Variants in GARRE1 observed in about 807,000 individuals in gnomAD.
GARRE1 encodes granule associated Rac and RHOG effector protein 1.
A neutral mutation model predicts 103.2 loss-of-function variants in GARRE1; 49 were observed. The ratio of observed to expected loss-of-function variants is 0.47; its 90% CI spans 0.38 to 0.60. The LOEUF (loss-of-function observed/expected upper bound fraction) is 0.60. GARRE1 is among the 20% of genes least tolerant of loss of function. GARRE1 has a pLI of 0.00. For synonymous variants in GARRE1, 505 were observed against 532.8 expected (o/e 0.95, Z 0.72); for missense variants, 1,199 against 1,370.5 (o/e 0.87, Z 1.98).
intron 3 of GARRE1, among the ~76,000 whole-genome samples, chr19:34,321,679 T>C (rs960143282): frequency 6.6e-6 from 1 of 152,206 alleles, no homozygotes; most frequent in Non-Finnish European, 1.5e-5. Context: ...GGTTTCACCG[T>C]CTTGGCCAGG....
rs144729442 is a variant in GARRE1 at position 34,325,237 on chromosome 19, C to G, written c.706-2184C>G. Among the ~76,000 whole-genome samples, 859 of 152,292 alleles carry G rather than the reference C, an allele frequency of 5.6e-3. 3 individuals carry two copies. Among genetic ancestry groups the G allele is most frequent in the Non-Finnish European group, 8.7e-3 (590 of 68,018 alleles). ...AGGCTCAGTTCTAGCTGCCCTTCTCCCTAGGGGTTCTCCATCCAGTCTTGG... is the reference window on the plus strand; with the variant it reads ...AGGCTCAGTTCTAGCTGCCCTTCTCGCTAGGGGTTCTCCATCCAGTCTTGG... On this transcript the variant is annotated intron_variant, in intron 3 of 13. Transcript: ENST00000299505.
At chr19:34,301,513 CAAAAAA>C (rs57777660) in intron 2 of GARRE1, among the ~76,000 whole-genome samples, 1 of 85,384 alleles carries the variant, frequency 1.2e-5, no homozygotes, top group Non-Finnish European at 2.2e-5. Context: ...GACCATGTCT[CAAAAAA>C]AAAAAAAAAA....
chr19:34,276,824 G>A (rs144494413), intron 1 of GARRE1, among the ~76,000 whole-genome samples: 1 of 152,320 alleles, frequency 6.6e-6, no homozygotes, highest in Non-Finnish European at 1.5e-5. Context: ...CCAGAGAGTT[G>A]GGCAGCACAC....
Position 34,352,770 on chromosome 19 carries a change from G to A in GARRE1, c.3028G>A (p.Asp1010Asn), listed in dbSNP as rs373865871. 3.4e-5 allele frequency: 55 copies of A among 1,614,088 alleles called. No individual in the cohort carries two copies. Among genetic ancestry groups the A allele is most frequent in the Middle Eastern group, 1.7e-4 (1 of 6,060 alleles). Residue 1010 changes from aspartate to asparagine, a missense_variant, in exon 14 of 14, where the codon GAC becomes AAC. Transcript: ENST00000299505. ...CACCAGCCCTGGCAGCCAGTGGAACGACACCATGCAGATGCTGCAGTCCCC... is the reference window on the plus strand; with the variant it reads ...CACCAGCCCTGGCAGCCAGTGGAACAACACCATGCAGATGCTGCAGTCCCC... ...AVTSPGSQWN[D>N]TMQMLQSPVW...
intron 1 of GARRE1, among the ~76,000 whole-genome samples, chr19:34,284,368 GC>G (rs2073874245): frequency 1.3e-5 from 2 of 151,958 alleles, no homozygotes; most frequent in Non-Finnish European, 2.9e-5. Flanking sequence ...CAAGTGATCT[GC>G]CCGTCTCAGC....
intron 7 of GARRE1, among the ~76,000 whole-genome samples, chr19:34,331,836 C>G (rs2074139409): frequency 6.6e-6 from 1 of 152,022 alleles, no homozygotes; most frequent in South Asian, 2.1e-4. Context: ...TCTAAAAATA[C>G]AAAAATTATC....
At chr19:34,330,090 T>C (rs2074130389) in intron 6 of GARRE1, 99 bp from the exon 7 acceptor site, 1 of 1,052,790 alleles carries the variant, frequency 9.5e-7, no homozygotes, top group South Asian at 1.6e-5. Context: ...AATAAAATGC[T>C]CTTCTCTTGA....
intron 3 of GARRE1, among the ~76,000 whole-genome samples, chr19:34,324,596 G>A (rs190756172): frequency 4.6e-5 from 7 of 150,868 alleles, no homozygotes; most frequent in African/African-American, 1.2e-4. Flanking sequence ...TGACCTCCTC[G>A]GCTCAAGCAA....
chr19:34,327,277 A>C, intron 3 of GARRE1, 144 bp from the exon 4 acceptor site: 1 of 733,342 alleles, frequency 1.4e-6, no homozygotes, highest in Non-Finnish European at 2.2e-6. Flanking sequence ...AATACAAACA[A>C]TCTAGAACTT....
intron 1 of GARRE1, among the ~76,000 whole-genome samples, chr19:34,263,265 GAGATAGATAGATAGATAGATAGAT>G (rs147778168): frequency 6.7e-6 from 1 of 149,494 alleles, no homozygotes; most frequent in East Asian, 2.0e-4. Flanking sequence ...TCTCGATAGA[GAGATAGATAGATAGATAGATAGAT>G]AGATAGATAG....
At chr19:34,349,407 G>T (rs1393701441) in intron 12 of GARRE1, among the ~76,000 whole-genome samples, 1 of 152,174 alleles carries the variant, frequency 6.6e-6, no homozygotes, top group Non-Finnish European at 1.5e-5. Context: ...TGCCTTGCAG[G>T]AGGCACCCAT....
Position 34,300,673 on chromosome 19 carries a change from T to G in GARRE1, c.200T>G (p.Met67Arg). ...GCTGCAGGCAGCTGCCACCATGCCATGCCCCACACTACTCCTATCGCCGAC... is the reference window on the plus strand; with the variant it reads ...GCTGCAGGCAGCTGCCACCATGCCAGGCCCCACACTACTCCTATCGCCGAC... ...LTAAGSCHHA[M>R]PHTTPIADIQ... is the part of the protein sequence containing the mutation. The change falls in exon 2 of 14, where the codon ATG becomes AGG. Residue 67 changes from methionine to arginine, a missense_variant. Met to Arg is a moderately conservative substitution (Grantham distance 91). Coordinates refer to ENST00000299505, the MANE Select transcript of GARRE1 (RefSeq NM_014686.5). The G allele has an allele frequency of 6.2e-7, 1 of 1,614,038 alleles. No homozygotes were observed. The highest frequency in any genetic ancestry group is 8.5e-7 in the Non-Finnish European group (1 of 1,180,010).
At chr19:34,287,136 C>CAAAAA (rs34541474) in intron 1 of GARRE1, among the ~76,000 whole-genome samples, 2 of 98,816 alleles carry the variant, frequency 2.0e-5, no homozygotes, top group Non-Finnish European at 2.0e-5. Flanking sequence ...AAGACTGTCT[C>CAAAAA]AAAAAAAAAA....
intron 10 of GARRE1, among the ~76,000 whole-genome samples, chr19:34,346,091 G>T (rs2074209637): frequency 1.3e-5 from 2 of 152,178 alleles, no homozygotes; most frequent in African/African-American, 4.8e-5. Context: ...GGCAAAATCA[G>T]TGCGGGATGG....
chr19:34,311,485 C>T (rs116883491), intron 2 of GARRE1, among the ~76,000 whole-genome samples: 2 of 152,010 alleles, frequency 1.3e-5, no homozygotes, highest in East Asian at 3.8e-4. Flanking sequence ...ATAGGAGCCT[C>T]GCATGAGTGT....
At chr19:34,307,661 A>G (rs1219728059) in intron 2 of GARRE1, among the ~76,000 whole-genome samples, 2 of 36,242 alleles carry the variant, frequency 5.5e-5, no homozygotes, top group African/African-American at 1.4e-4. Context: ...ACTTATATAT[A>G]CATATATACT....
At chr19:34,320,169 A>G (rs780943633) in intron 3 of GARRE1, 53 bp downstream of exon 3, 20 of 1,487,632 alleles carry the variant, frequency 1.3e-5, no homozygotes, top group South Asian at 4.6e-5. Context: ...GAGAGGCTCC[A>G]GAGGGCCTTT....
intron 2 of GARRE1, among the ~76,000 whole-genome samples, chr19:34,312,455 C>T (rs1373507182): frequency 3.9e-5 from 6 of 152,122 alleles, no homozygotes; most frequent in Non-Finnish European, 8.8e-5. Context: ...TCCTGGTTGC[C>T]CTCTCCTCCC....
chr19:34,262,119 G>A (rs1397438701), intron 1 of GARRE1, among the ~76,000 whole-genome samples: 1 of 151,920 alleles, frequency 6.6e-6, no homozygotes, highest in Non-Finnish European at 1.5e-5. Flanking sequence ...CGAGTAGCTA[G>A]GACTACAGGT....
Sources: gnomAD v4.1 joint callset for allele counts (sites outside exome capture counted in the v4.1 genomes callset) on GRCh38, gnomAD v4.1.1 for gene constraint, MANE v1.5 for transcripts, NCBI Gene and HGNC (gene_info 2026-07-23, HGNC 2026-07-21) for gene names.